PIK3C2B: variants seen among roughly 807,000 people sequenced by gnomAD.
PIK3C2B encodes phosphatidylinositol 4-phosphate 3-kinase C2 domain-containing subunit beta.
In PIK3C2B, 83 loss-of-function variants were observed where a neutral mutation model predicts 184.3. That is an observed-to-expected ratio of 0.45 (90% confidence interval 0.38 to 0.54). The LOEUF (loss-of-function observed/expected upper bound fraction) is 0.54, where lower values mean the gene tolerates loss of function less well. PIK3C2B is among the 20% of genes least tolerant of loss of function. The probability of loss-of-function intolerance (pLI) is 0.00; values close to 1 mark genes in which losing one functional copy is unlikely to be tolerated. For synonymous variants in PIK3C2B, 779 were observed against 837.6 expected (o/e 0.93, Z 1.21); for missense variants, 1,736 against 2,113.5 (o/e 0.82, Z 3.50).
In PIK3C2B at chr1:204,428,184, G is replaced by C. The variant is rs761030910; in HGVS notation, c.4435C>G (p.Arg1479Gly). ...CTGGTGCCCATAGCCTTCTCATCCC[G>C]GGGCAGTGGGTGGAAGAAGGTGTAC... The part of the protein sequence containing the change: ...LVYTFFHPLP[R>G]DEKAMGTSPA... The change falls in exon 30 of 33, where the codon CGG becomes GGG. Residue 1479 changes from arginine to glycine, a missense_variant. Around this residue, in one of 8 missense-constraint regions of PIK3C2B, gnomAD observed 200 missense variants for 199.1 expected, o/e 1.00. Coordinates refer to ENST00000684373, the MANE Select transcript of PIK3C2B (RefSeq NM_001377334.1). The C allele has an allele frequency of 6.2e-7, 1 of 1,612,552 alleles. No individual in the cohort carries two copies. The highest frequency in any genetic ancestry group is 8.5e-7 in the Non-Finnish European group (1 of 1,178,824).
rs376507255 is a variant in PIK3C2B at position 204,466,642 on chromosome 1, A to G, written c.934-1323T>C. ...GGAGAGAGAGAGGAAGAAAAAGAGA[A>G]AGAGAGAGAGACAGTGGGGGGAGGG... On this transcript the variant is annotated intron_variant, in intron 2 of 32. Coordinates refer to ENST00000684373, the MANE Select transcript of PIK3C2B (RefSeq NM_001377334.1). 413 of 379,500 alleles carry G rather than the reference A, an allele frequency of 1.1e-3. 3 individuals are homozygous for G. The highest frequency in any genetic ancestry group is 8.1e-3 in the African/African-American group (387 of 47,710). 23.5% of individuals were successfully genotyped at this position (379,500 alleles called of 1,614,324 possible). A position where few individuals can be genotyped will look rare whatever the true frequency, so the allele number is the denominator to read the frequency against.
intron 12 of PIK3C2B, among the ~76,000 whole-genome samples, chr1:204,452,246 A>G (rs1355234221): frequency 7.2e-6 from 1 of 139,396 alleles, no homozygotes; most frequent in African/African-American, 2.6e-5. Context: ...TTTAAGGCCA[A>G]TTTTTTAAAG....
At chr1:204,438,023 C>T (rs1349898220) in intron 23 of PIK3C2B, among the ~76,000 whole-genome samples, 1 of 152,132 alleles carries the variant, frequency 6.6e-6, no homozygotes, top group African/African-American at 2.4e-5. Context: ...AGGAATTAAG[C>T]CCCGGGGAAC....
intron 1 of PIK3C2B, among the ~76,000 whole-genome samples, chr1:204,472,166 C>CT (rs71145091): frequency 0.85 from 121,595 of 143,864 alleles, 53,403 homozygotes; most frequent in Non-Finnish European, 0.97. Flanking sequence ...ACTGGGGGAA[C>CT]TTTTTTTTTT....
Position 204,466,861 on chromosome 1 carries a change from G to A in PIK3C2B, c.934-1542C>T, listed in dbSNP as rs201667729. On this transcript the variant is annotated intron_variant, in intron 2 of 32. Coordinates refer to ENST00000684373, the MANE Select transcript of PIK3C2B (RefSeq NM_001377334.1). ...GGCTGGCAGCAGGGGTATCAGGCTGGCATTTGGAGCCAGCCAGTTCCAGAG... is the reference window on the plus strand; with the variant it reads ...GGCTGGCAGCAGGGGTATCAGGCTGACATTTGGAGCCAGCCAGTTCCAGAG... 3.1e-3 allele frequency: 1,643 copies of A among 533,182 alleles called. 19 individuals are homozygous for A. The highest frequency in any genetic ancestry group is 0.015 in the South Asian group (1,093 of 71,548). The allele number at this position is 533,182 out of a possible 1,614,324, so 33.0% of individuals were successfully genotyped here. A position where few individuals can be genotyped will look rare whatever the true frequency, so the allele number is the denominator to read the frequency against.
chr1:204,432,058 G>T, intron 27 of PIK3C2B, 142 bp downstream of exon 27: 1 of 776,726 alleles, frequency 1.3e-6, no homozygotes, highest in South Asian at 1.6e-5. Context: ...CAAAGGAGAG[G>T]GAAGTGGTCC....
chr1:204,442,431 A>G, intron 20 of PIK3C2B, 95 bp downstream of exon 20: 1 of 775,418 alleles, frequency 1.3e-6, no homozygotes, highest in South Asian at 1.6e-5. Context: ...ACGCCCAGAC[A>G]ACTCAGCTCC....
chr1:204,468,145 G>C (rs1655973939), intron 2 of PIK3C2B, among the ~76,000 whole-genome samples: 2 of 152,218 alleles, frequency 1.3e-5, no homozygotes, highest in Non-Finnish European at 2.9e-5. Context: ...AATAATGCAA[G>C]GGTTGCACGA....
At chr1:204,426,961 C>G (rs567425443) in intron 31 of PIK3C2B, among the ~76,000 whole-genome samples, 2 of 152,186 alleles carry the variant, frequency 1.3e-5, no homozygotes, top group African/African-American at 4.8e-5. Flanking sequence ...CATAGTGAAA[C>G]CCGGTCTCTA....
chr1:204,424,337 CA>C lies in PIK3C2B; in HGVS notation c.*514del, dbSNP rs200443443. ...GAAAACGAAACAACAACAACAATAA[CA>C]AAAAAAAAAAACCTAGGGAAAAGTC... On this transcript the variant is annotated 3_prime_UTR_variant, in exon 33 of 33. Coordinates refer to ENST00000684373, the MANE Select transcript of PIK3C2B (RefSeq NM_001377334.1). The C allele has an allele frequency of 0.013, 2,434 of 180,792 alleles. No homozygotes were observed. Among genetic ancestry groups the C allele is most frequent in the South Asian group, 0.037 (440 of 11,748 alleles). 11.2% of individuals were successfully genotyped at this position (180,792 alleles called of 1,614,324 possible).
intron 31 of PIK3C2B, among the ~76,000 whole-genome samples, chr1:204,426,237 G>C (rs1379179555): frequency 6.6e-6 from 1 of 152,166 alleles, no homozygotes; most frequent in East Asian, 1.9e-4. Flanking sequence ...CTCATTCAGG[G>C]AAAAAGCCAC....
chr1:204,458,014 A>G, intron 8 of PIK3C2B, 140 bp from the exon 9 acceptor site: 1 of 691,282 alleles, frequency 1.4e-6, no homozygotes, highest in Non-Finnish European at 2.4e-6. Context: ...TGTGCAATAC[A>G]TTTTATTTTC....
At position 204,447,628 on chromosome 1, in the gene PIK3C2B, G is replaced by A; in HGVS notation, c.2347-50C>T. On this transcript the variant is annotated intron_variant, in intron 14 of 32. Transcript: ENST00000684373. The surrounding 1 kb of genome is among the most constrained non-coding windows in gnomAD (Gnocchi z 4.1). ...AGGAGAGAAAACAGGCAGCGTGTGT[G>A]GACTCCCAGCTTCTTTCTCTCACCC... 1 of 1,394,526 alleles carries A rather than the reference G, an allele frequency of 7.2e-7. No homozygotes were observed. Among genetic ancestry groups the A allele is most frequent in the Non-Finnish European group, 1.0e-6 (1 of 996,932 alleles). The allele number at this position is 1,394,526 out of a possible 1,614,324, so 86.4% of individuals were successfully genotyped here.
In PIK3C2B at chr1:204,447,608, A is replaced by AGAAAACAGGCAGCGTGTGT; in HGVS notation, c.2347-49_2347-31dup. 1 of 1,576,886 alleles carries AGAAAACAGGCAGCGTGTGT rather than the reference A, an allele frequency of 6.3e-7. No individual in the cohort carries two copies. ...GGGATGAGATCAGGGATGTGAGGAGAGAAAACAGGCAGCGTGTGTGGACTC... is the reference window on the plus strand; with the variant it reads ...GGGATGAGATCAGGGATGTGAGGAGAGAAAACAGGCAGCGTGTGTGAAAACAGGCAGCGTGTGTGGACTC... On this transcript the variant is annotated intron_variant, in intron 14 of 32. Transcript: ENST00000684373. The surrounding 1 kb of genome is among the most constrained non-coding windows in gnomAD (Gnocchi z 4.1).
rs140585296 is a variant in PIK3C2B at position 204,487,747 on chromosome 1, G to C, written c.-85+6609C>G. ...TAAGACGCTGGGAAATGCTGCCTAA[G>C]ACTGTATATATATAACTCTTGGGGC... is the stretch of plus-strand genomic sequence containing the variant. On this transcript the variant is annotated intron_variant, in intron 1 of 32. Transcript: ENST00000684373. 3.4e-4 allele frequency among the ~76,000 whole-genome samples: 52 copies of C among 152,224 alleles called. 1 individual carries two copies. Among genetic ancestry groups the C allele is most frequent in the Middle Eastern group, 3.4e-3 (1 of 294 alleles).
chr1:204,464,275 T>C (rs1023968094), intron 4 of PIK3C2B, 143 bp from the exon 5 acceptor site: 4 of 1,160,322 alleles, frequency 3.4e-6, no homozygotes, highest in African/African-American at 3.1e-5. Flanking sequence ...AGTTCAGAGT[T>C]GAGGAAAGTG....
intron 23 of PIK3C2B, among the ~76,000 whole-genome samples, chr1:204,437,885 T>C (rs1230167033): frequency 1.3e-5 from 2 of 152,252 alleles, no homozygotes; most frequent in South Asian, 2.1e-4. Flanking sequence ...AAGGTGGCTA[T>C]AGAACCACCT....
In PIK3C2B at chr1:204,433,898, C is replaced by T; in HGVS notation, c.3738G>A (p.Gly1246=). Reference sequence around the variant, plus strand: ...GGAAGCGGCTGGAAGGCTTGTCACCCCCGTTGATGACATACGCCATGTCCG... The same window carrying T: ...GGAAGCGGCTGGAAGGCTTGTCACCTCCGTTGATGACATACGCCATGTCCG... The part of the protein sequence containing the change: ...FTSDMAYVIN[G]GDKPSSRFHD... Residue 1246 remains glycine, a synonymous_variant, in exon 25 of 33, where the codon GGG becomes GGA. Coordinates refer to ENST00000684373, the MANE Select transcript of PIK3C2B (RefSeq NM_001377334.1). This position sits in a 1 kb window ranked among gnomAD's most constrained non-coding sequence, Gnocchi z 5.0. The T allele has an allele frequency of 6.2e-7, 1 of 1,613,978 alleles. No individual in the cohort carries two copies. Among genetic ancestry groups the T allele is most frequent in the South Asian group, 1.1e-5 (1 of 91,072 alleles).
At chr1:204,428,588 C>T (rs1674873756) in intron 29 of PIK3C2B, among the ~76,000 whole-genome samples, 2 of 152,028 alleles carry the variant, frequency 1.3e-5, no homozygotes, top group South Asian at 2.1e-4. Context: ...TGCAGTGGGG[C>T]GATCTCAGCT....
Sources: allele counts gnomAD v4.1 joint callset (sites outside exome capture counted in the v4.1 genomes callset), GRCh38; gene constraint gnomAD v4.1.1; regional missense constraint gnomAD v4.1.1; non-coding constraint Gnocchi (gnomAD v3.1); transcripts MANE v1.5; gene names NCBI Gene and HGNC (gene_info 2026-07-23, HGNC 2026-07-21).